C1GALT1: variants seen among roughly 807,000 people sequenced by gnomAD.
C1GALT1 encodes the protein glycoprotein-N-acetylgalactosamine 3-beta-galactosyltransferase 1.
In C1GALT1, 11 loss-of-function variants were observed where a neutral mutation model predicts 31.0. The observed-to-expected ratio is 0.36, with a 90% CI of 0.22 to 0.59. C1GALT1 has a LOEUF of 0.59. C1GALT1 is among the 20% of genes least tolerant of loss of function. The probability of loss-of-function intolerance (pLI) is 0.79; values close to 1 mark genes in which losing one functional copy is unlikely to be tolerated. For synonymous variants in C1GALT1, 175 were observed against 143.6 expected (o/e 1.22, Z -1.56); for missense variants, 424 against 425.2 (o/e 1.00, Z 0.03).
At chr7:7,161,192 C>T (rs576876288) in intron 2 of C1GALT1, among the ~76,000 whole-genome samples, 2 of 152,176 alleles carry the variant, frequency 1.3e-5, no homozygotes, top group African/African-American at 4.8e-5. Flanking sequence ...GACATGTAAC[C>T]ATCCTTACCA....
intron 1 of C1GALT1, among the ~76,000 whole-genome samples, chr7:7,192,645 C>T (rs1206297185): frequency 1.3e-5 from 2 of 151,872 alleles, no homozygotes; most frequent in East Asian, 3.9e-4. Context: ...CGTATAATGA[C>T]TTCTTTTTCT....
At chr7:7,228,340 G>A (rs897032722) in intron 1 of C1GALT1, among the ~76,000 whole-genome samples, 2 of 152,210 alleles carry the variant, frequency 1.3e-5, no homozygotes, top group African/African-American at 4.8e-5. Flanking sequence ...AACCTCAGTT[G>A]TCAAGCTTGG....
At chr7:7,202,556 C>G (rs1160421024) in intron 1 of C1GALT1, among the ~76,000 whole-genome samples, 1 of 152,114 alleles carries the variant, frequency 6.6e-6, no homozygotes, top group Non-Finnish European at 1.5e-5. Context: ...TTTTTTTCCT[C>G]TGAATTCTTT....
chr7:7,176,754 C>T (rs1780509953), intron 2 of C1GALT1, among the ~76,000 whole-genome samples: 1 of 152,186 alleles, frequency 6.6e-6, no homozygotes, highest in Admixed American at 6.5e-5. Context: ...ACAACACCAG[C>T]CATTCCAATT....
chr7:7,219,104 C>T (rs575819181), intron 1 of C1GALT1, among the ~76,000 whole-genome samples: 65 of 152,282 alleles, frequency 4.3e-4, no homozygotes, highest in Admixed American at 7.2e-4. Flanking sequence ...TCCCAAAGTG[C>T]TGGGATTACA....
At chr7:7,183,698 A>C (rs111751780) in intron 1 of C1GALT1, 578 of 679,856 alleles carry the variant, frequency 8.5e-4, no homozygotes, top group Admixed American at 1.2e-3. Context: ...CATTTAAAGC[A>C]AACAACAGTA....
At position 7,206,718 on chromosome 7, in the gene C1GALT1, A is replaced by C. The variant is rs532343545; in HGVS notation, c.-18+23898A>C. Among the ~76,000 whole-genome samples, 199 of 151,554 alleles carry C rather than the reference A, an allele frequency of 1.3e-3. 3 individuals carry two copies. The South Asian group carries it at 0.024, about 18-fold the overall frequency. On this transcript the variant is annotated intron_variant, in intron 1 of 3. Transcript: ENST00000436587. ...AGAGAATGTCTCAGCTTTTGTTTTA[A>C]AGGACGGTTTTTGTGGATGTAGGAT... is the stretch of plus-strand genomic sequence containing the variant.
intron 1 of C1GALT1, among the ~76,000 whole-genome samples, chr7:7,224,610 C>T (rs1782669522): frequency 6.6e-6 from 1 of 152,072 alleles, no homozygotes. Flanking sequence ...TCTAACTTGT[C>T]AAATTTATAC....
At chr7:7,176,190 G>T (rs1780504244) in intron 2 of C1GALT1, among the ~76,000 whole-genome samples, 1 of 152,108 alleles carries the variant, frequency 6.6e-6, no homozygotes, top group Non-Finnish European at 1.5e-5. Context: ...GTGGAAAAAG[G>T]TCGAGGAAGG....
intron 1 of C1GALT1, among the ~76,000 whole-genome samples, chr7:7,205,673 C>A (rs1781710469): frequency 6.6e-6 from 1 of 152,064 alleles, no homozygotes; most frequent in African/African-American, 2.4e-5. Context: ...TCCTTCTTGT[C>A]TTTTGTAACC....
chr7:7,190,276 G>T, intron 1 of C1GALT1, among the ~76,000 whole-genome samples: 1 of 152,124 alleles, frequency 6.6e-6, no homozygotes, highest in East Asian at 1.9e-4. Context: ...TCAGGCCTGG[G>T]CTGAGAAGCT....
intron 2 of C1GALT1, among the ~76,000 whole-genome samples, chr7:7,236,191 A>T (rs963719099): frequency 6.6e-6 from 1 of 152,160 alleles, no homozygotes. Context: ...AGGCTCCCTG[A>T]ATGGACTGAA....
intron 2 of C1GALT1, among the ~76,000 whole-genome samples, chr7:7,159,645 T>A (rs1780312903): frequency 6.6e-6 from 1 of 152,142 alleles, no homozygotes; most frequent in Non-Finnish European, 1.5e-5. Flanking sequence ...AATTCTAATT[T>A]TCGCTTAATT....
At chr7:7,173,332 G>A (rs927477204) in intron 2 of C1GALT1, among the ~76,000 whole-genome samples, 1 of 151,924 alleles carries the variant, frequency 6.6e-6, no homozygotes, top group African/African-American at 2.4e-5. Context: ...CAAGCTTCCT[G>A]AGGATTCCCT....
chr7:7,238,325 T>C lies in C1GALT1; in HGVS notation c.291T>C (p.Pro97=). The C allele has an allele frequency of 2.5e-6, 4 of 1,614,012 alleles. No individual in the cohort carries two copies. The highest frequency in any genetic ancestry group is 3.4e-6 in the Non-Finnish European group (4 of 1,179,952). The change falls in exon 3 of 4, where the codon CCT becomes CCC. Residue 97 remains proline, a synonymous_variant. Coordinates refer to ENST00000436587, the MANE Select transcript of C1GALT1 (RefSeq NM_020156.5). The surrounding 1 kb of genome is among the most constrained non-coding windows in gnomAD (Gnocchi z 5.2). ...TTCTTTGCTGGGTTATGACCGGCCCTCAAAACCTAGAGAAAAAGGCCAAAC... is the reference window on the plus strand; with the variant it reads ...TTCTTTGCTGGGTTATGACCGGCCCCCAAAACCTAGAGAAAAAGGCCAAAC... ...VRILCWVMTG[P]QNLEKKAKHV...
chr7:7,173,188 A>G (rs1032171434), intron 2 of C1GALT1, among the ~76,000 whole-genome samples: 6 of 152,012 alleles, frequency 3.9e-5, no homozygotes, highest in Admixed American at 2.6e-4. Context: ...CCTTGGTAAT[A>G]AGTGAGTTCT....
intron 2 of C1GALT1, among the ~76,000 whole-genome samples, chr7:7,170,976 AC>A (rs1476281424): frequency 5.9e-5 from 9 of 152,222 alleles, no homozygotes; most frequent in African/African-American, 2.2e-4. Flanking sequence ...CAGAAAAGAT[AC>A]TGTGTATGAT....
intron 1 of C1GALT1, among the ~76,000 whole-genome samples, chr7:7,198,242 A>G (rs574362390): frequency 1.3e-5 from 2 of 152,318 alleles, no homozygotes; most frequent in South Asian, 4.1e-4. Context: ...TTTAGCATGA[A>G]GGGCTGTTGA....
At chr7:7,206,679 A>G (rs1408843211) in intron 1 of C1GALT1, among the ~76,000 whole-genome samples, 1 of 146,110 alleles carries the variant, frequency 6.8e-6, no homozygotes, top group Non-Finnish European at 1.5e-5. Context: ...TCCGTCTCAA[A>G]AAAAAAAAAA....
Sources: gnomAD v4.1 joint callset for allele counts (sites outside exome capture counted in the v4.1 genomes callset) on GRCh38, gnomAD v4.1.1 for gene constraint, Gnocchi (gnomAD v3.1) non-coding constraint, MANE v1.5 for transcripts, NCBI Gene and HGNC (gene_info 2026-07-23, HGNC 2026-07-21) for gene names.